The following SNX29 variants were observed in gnomAD, a reference collection of about 807,000 sequenced individuals.
SNX29 encodes the protein sorting nexin 29, also known as sorting nexin-29.
In SNX29, 78 loss-of-function variants were observed where a neutral mutation model predicts 102.1. The observed-to-expected ratio is 0.76, with a 90% CI of 0.64 to 0.92. The LOEUF is 0.92. Among genes scored for constraint, SNX29 ranks in the 40% least tolerant of loss-of-function variants. The pLI is 0.00. For missense variants in SNX29, 1,280 were observed against 1,061.7 expected (o/e 1.21, Z -2.86); for synonymous variants, 580 against 414.5 (o/e 1.40, Z -4.85).
At chr16:12,217,087 G>T (rs370402635) in intron 14 of SNX29, among the ~76,000 whole-genome samples, 4 of 152,292 alleles carry the variant, frequency 2.6e-5, no homozygotes, top group African/African-American at 9.6e-5. Flanking sequence ...GGAGTGCAGT[G>T]GTGTGATCAT....
At position 12,277,898 on chromosome 16, in the gene SNX29, T is replaced by G. The variant is rs751027722; in HGVS notation, c.1679-35T>G. 3.2e-6 allele frequency: 5 copies of G among 1,552,684 alleles called. No individual in the cohort carries two copies. The East Asian group carries it at 1.2e-4, about 36-fold the overall frequency. ...CTGGGAGAATAATTTTCGATACTGT[T>G]GAAATATTTATGACATGTCTCTCTT... On this transcript the variant is annotated intron_variant, in intron 14 of 20. Coordinates refer to ENST00000566228, the MANE Select transcript of SNX29 (RefSeq NM_032167.5).
At position 12,564,479 on chromosome 16, in the gene SNX29, C is replaced by T. The variant is rs1225508011; in HGVS notation, c.2319-4027C>T. Among the ~76,000 whole-genome samples the T allele has an allele frequency of 2.0e-5, 3 of 152,192 alleles. No individual in the cohort carries two copies. In the East Asian group the frequency reaches 5.8e-4, roughly 29 times the overall value. Reference sequence around the variant, plus strand: ...TTTTGGGGAGGTTATGGATCTTTCTCCAAGGTCTAGAGTGTCTTAACAGAA... The same window carrying T: ...TTTTGGGGAGGTTATGGATCTTTCTTCAAGGTCTAGAGTGTCTTAACAGAA... On this transcript the variant is annotated intron_variant, in intron 20 of 20. Coordinates refer to ENST00000566228, the MANE Select transcript of SNX29 (RefSeq NM_032167.5).
chr16:12,036,906 T>C (rs1200069287), intron 4 of SNX29, among the ~76,000 whole-genome samples: 1 of 152,222 alleles, frequency 6.6e-6, no homozygotes, highest in African/African-American at 2.4e-5. Context: ...ATTTATTTAT[T>C]GACTCAAGTA....
intron 18 of SNX29, among the ~76,000 whole-genome samples, chr16:12,447,557 G>A (rs1023976348): frequency 1.3e-5 from 2 of 152,214 alleles, no homozygotes; most frequent in Admixed American, 1.3e-4. Flanking sequence ...GAAGAAGACA[G>A]TGTAAACCAG....
intron 18 of SNX29, among the ~76,000 whole-genome samples, chr16:12,414,101 A>T (rs968581007): frequency 1.3e-5 from 2 of 152,244 alleles, no homozygotes; most frequent in Admixed American, 6.5e-5. Context: ...TAATGACAAG[A>T]TAAAAGTGTG....
chr16:12,051,157 C>A (rs1289670203), intron 7 of SNX29, among the ~76,000 whole-genome samples: 2 of 152,120 alleles, frequency 1.3e-5, no homozygotes, highest in Non-Finnish European at 2.9e-5. Context: ...AGCAAGACCT[C>A]ATCTCTACAA....
At chr16:12,566,589 T>G (rs1057238802) in intron 20 of SNX29, among the ~76,000 whole-genome samples, 2 of 152,176 alleles carry the variant, frequency 1.3e-5, no homozygotes, top group Non-Finnish European at 2.9e-5. Context: ...ATCCAAGCCT[T>G]CCTGTATCTA....
intron 20 of SNX29, among the ~76,000 whole-genome samples, chr16:12,543,206 G>T (rs775072041): frequency 6.6e-6 from 1 of 152,174 alleles, no homozygotes; most frequent in African/African-American, 2.4e-5. Context: ...TATTCATCAC[G>T]TTGCTCCTGA....
intron 15 of SNX29, among the ~76,000 whole-genome samples, chr16:12,355,654 C>T (rs999834845): frequency 6.6e-6 from 1 of 151,928 alleles, no homozygotes; most frequent in African/African-American, 2.4e-5. Flanking sequence ...TCTGTAGTCA[C>T]CTCCAGTTTT....
chr16:12,564,325 A>T (rs910369711), intron 20 of SNX29, among the ~76,000 whole-genome samples: 3 of 152,194 alleles, frequency 2.0e-5, no homozygotes, highest in African/African-American at 4.8e-5. Context: ...AGTGTCTCTT[A>T]CCTTATTTCA....
chr16:12,526,161 A>T (rs1460674561), intron 20 of SNX29, among the ~76,000 whole-genome samples: 2 of 152,166 alleles, frequency 1.3e-5, no homozygotes, highest in Non-Finnish European at 2.9e-5. Flanking sequence ...ATTTGTATGA[A>T]ATGCTGGGGT....
intron 14 of SNX29, among the ~76,000 whole-genome samples, chr16:12,241,088 G>C (rs2078090508): frequency 1.3e-5 from 2 of 152,054 alleles, no homozygotes; most frequent in Non-Finnish European, 2.9e-5. Context: ...GAAAAAATTA[G>C]CTATTTGTGT....
At chr16:12,089,149 A>G (rs1210808716) in intron 11 of SNX29, among the ~76,000 whole-genome samples, 2 of 143,032 alleles carry the variant, frequency 1.4e-5, no homozygotes, top group Admixed American at 7.1e-5. Flanking sequence ...GAGAGAAAAG[A>G]GAAAGAGAAA....
intron 18 of SNX29, among the ~76,000 whole-genome samples, chr16:12,463,759 T>C (rs978154871): frequency 1.3e-5 from 2 of 152,074 alleles, no homozygotes; most frequent in African/African-American, 4.8e-5. Context: ...TTGATGTACA[T>C]ATACATCGTG....
intron 18 of SNX29, among the ~76,000 whole-genome samples, chr16:12,475,694 C>T (rs1197775982): frequency 6.6e-6 from 1 of 152,162 alleles, no homozygotes; most frequent in African/African-American, 2.4e-5. Context: ...TTGAACAGCT[C>T]ATGTAAAGTA....
chr16:12,540,078 C>T (rs563609718), intron 20 of SNX29, among the ~76,000 whole-genome samples: 3 of 152,186 alleles, frequency 2.0e-5, no homozygotes, highest in Non-Finnish European at 2.9e-5. Context: ...GGTGTCATGT[C>T]TACCAATTGT....
At chr16:12,182,412 G>T (rs1345689348) in intron 13 of SNX29, among the ~76,000 whole-genome samples, 1 of 152,094 alleles carries the variant, frequency 6.6e-6, no homozygotes, top group Non-Finnish European at 1.5e-5. Context: ...GATTACGGTG[G>T]ATTAGAGCTC....
intron 18 of SNX29, among the ~76,000 whole-genome samples, chr16:12,436,707 C>G (rs985420639): frequency 6.6e-6 from 1 of 152,214 alleles, no homozygotes; most frequent in African/African-American, 2.4e-5. Flanking sequence ...CCCTGTGGCC[C>G]AGGCTGGAGT....
At chr16:11,995,917 G>A (rs1042981471) in intron 1 of SNX29, among the ~76,000 whole-genome samples, 20 of 152,038 alleles carry the variant, frequency 1.3e-4, no homozygotes, top group African/African-American at 3.1e-4. Flanking sequence ...AAAATTAGCC[G>A]GGCGTGGTGG....
Sources: gnomAD v4.1 joint callset for allele counts (sites outside exome capture counted in the v4.1 genomes callset) on GRCh38, gnomAD v4.1.1 for gene constraint, MANE v1.5 for transcripts, NCBI Gene and HGNC (gene_info 2026-07-23, HGNC 2026-07-21) for gene names.